Variants in TECTA observed in about 807,000 individuals in gnomAD.
TECTA encodes alpha-tectorin.
A neutral mutation model predicts 216.8 loss-of-function variants in TECTA; 128 were observed. The observed-to-expected ratio is 0.59, with a 90% confidence interval of 0.51 to 0.68. The LOEUF is 0.68. Among genes scored for constraint, TECTA ranks in the 30% least tolerant of loss-of-function variants. TECTA has a pLI of 0.00. For missense variants in TECTA, 2,551 were observed against 2,786.2 expected, an observed-to-expected ratio of 0.92 and a Z score of 1.90; for synonymous variants, 1,089 against 1,117.1, an observed-to-expected ratio of 0.97 and a Z score of 0.50.
intron 11 of TECTA, among the ~76,000 whole-genome samples, chr11:121,144,262 T>A (rs760902480): frequency 1.7e-4 from 26 of 152,194 alleles, no homozygotes; most frequent in Non-Finnish European, 3.2e-4. Flanking sequence ...TGGAGAGGGC[T>A]TTCAGTATTG....
Position 121,145,646 on chromosome 11 carries a change from A to G in TECTA, c.3635A>G (p.Asp1212Gly). The change falls in exon 12 of 24, where the codon GAT (aspartate) becomes GGT (glycine). Residue 1212 changes from aspartate to glycine, a missense_variant. Physicochemically the swap from Asp to Gly is moderately conservative, Grantham distance 94. This residue lies in a region of TECTA where 2,375 missense variants were observed against 2,563.9 expected (regional missense o/e 0.93). Transcript: ENST00000392793. Reference sequence around the variant, plus strand: ...GGCTTCCACGTGGTGGTGGAAACTGATTTTGGCCTGAAGGTTGTATATGAC... The same window carrying G: ...GGCTTCCACGTGGTGGTGGAAACTGGTTTTGGCCTGAAGGTTGTATATGAC... ...SFGFHVVVET[D>G]FGLKVVYDWK... is the part of the protein sequence containing the mutation. 1 of 1,614,182 alleles carries G rather than the reference A, an allele frequency of 6.2e-7. No homozygotes were observed. The highest frequency in any genetic ancestry group is 8.5e-7 in the Non-Finnish European group (1 of 1,180,034).
intron 2 of TECTA, 123 bp downstream of exon 2, chr11:121,102,852 A>G (rs1591433566): frequency 1.2e-6 from 1 of 826,328 alleles, no homozygotes; most frequent in East Asian, 2.5e-5. Context: ...ACAAGAGAAA[A>G]ATGTAATTAA....
At chr11:121,125,980 AG>A (rs1946608087) in intron 8 of TECTA, 108 bp downstream of exon 8, 1 of 1,322,180 alleles carries the variant, frequency 7.6e-7, no homozygotes, top group African/African-American at 1.5e-5. Flanking sequence ...CCCAAGAATG[AG>A]GGGGAGGTTG....
chr11:121,173,994 C>G (rs1372013052), intron 20 of TECTA, among the ~76,000 whole-genome samples: 1 of 151,944 alleles, frequency 6.6e-6, no homozygotes, highest in Non-Finnish European at 1.5e-5. Context: ...CTCTGTTTGT[C>G]TGTTATTGGT....
intron 13 of TECTA, 63 bp downstream of exon 13, chr11:121,153,143 G>A: frequency 1.3e-6 from 2 of 1,558,624 alleles, no homozygotes; most frequent in South Asian, 2.3e-5. Flanking sequence ...CCAACTCTAA[G>A]AGGTTGGTCA....
In TECTA at chr11:121,127,687, T is replaced by G. The variant is rs1946626212; in HGVS notation, c.1775-65T>G. ...AATGATCCAGGAGGAGCGTTAAGAT[T>G]CTGGCGGGTTAGCACTCCGGGTCCA... On this transcript the variant is annotated intron_variant, in intron 8 of 23. Transcript: ENST00000392793. The surrounding 1 kb of genome is among the most constrained non-coding windows in gnomAD (Gnocchi z 5.0). 8 of 1,573,742 alleles carry G rather than the reference T, an allele frequency of 5.1e-6. No homozygotes were observed. In the Admixed American group the frequency reaches 1.3e-4, roughly 26 times the overall value.
At chr11:121,171,986 C>T (rs1947117055) in intron 20 of TECTA, among the ~76,000 whole-genome samples, 1 of 151,968 alleles carries the variant, frequency 6.6e-6, no homozygotes, top group South Asian at 2.1e-4. Context: ...AGGAATTGTT[C>T]CAGTACTTTC....
chr11:121,145,371 T>C (rs767373124), intron 11 of TECTA, among the ~76,000 whole-genome samples, 184 bp from the exon 12 acceptor site: 10 of 152,226 alleles, frequency 6.6e-5, no homozygotes, highest in Non-Finnish European at 1.2e-4. Flanking sequence ...AGGATAGTCA[T>C]TTGCGTCTGT....
chr11:121,166,453 G>A lies in TECTA; in HGVS notation c.5384-125G>A. ...GTTTGATCAAAGCATAATTAGAAAT[G>A]CTGCAGCCTTGGAGTGGAGGTCATT... On this transcript the variant is annotated intron_variant, in intron 17 of 23. Coordinates refer to ENST00000392793, the MANE Select transcript of TECTA (RefSeq NM_005422.4). 4.3e-6 allele frequency: 4 copies of A among 920,116 alleles called. No homozygotes were observed. In the South Asian group the frequency reaches 5.5e-5, roughly 13 times the overall value. The allele number at this position is 920,116 out of a possible 1,614,324, so 57.0% of individuals were successfully genotyped here.
At chr11:121,188,985 C>T (rs1474736056) in intron 21 of TECTA, 95 bp from the exon 22 acceptor site, 1 of 1,274,302 alleles carries the variant, frequency 7.8e-7, no homozygotes, top group Non-Finnish European at 1.1e-6. Flanking sequence ...ATGCTTGAGG[C>T]CAGAGCCACT....
At chr11:121,120,100 G>A (rs1256786948) in intron 7 of TECTA, among the ~76,000 whole-genome samples, 1 of 152,062 alleles carries the variant, frequency 6.6e-6, no homozygotes, top group Non-Finnish European at 1.5e-5. Flanking sequence ...TGAAAAAGAA[G>A]GCTTCATGCT....
chr11:121,188,293 T>C (rs904596642), intron 21 of TECTA, among the ~76,000 whole-genome samples: 3 of 152,218 alleles, frequency 2.0e-5, no homozygotes, highest in African/African-American at 7.2e-5. Flanking sequence ...CTGTGCACTG[T>C]AGGATGTTAG....
intron 19 of TECTA, chr11:121,168,452 G>A (rs935839983): frequency 2.4e-6 from 2 of 835,794 alleles, no homozygotes; most frequent in African/African-American, 3.4e-5. Context: ...CACTTGAAAT[G>A]TGGCTCAGGG....
intron 20 of TECTA, among the ~76,000 whole-genome samples, chr11:121,178,766 A>G (rs1488560603): frequency 1.3e-5 from 2 of 152,034 alleles, no homozygotes; most frequent in African/African-American, 4.8e-5. Context: ...TCCTGATTCA[A>G]TCCTGTTATT....
At chr11:121,103,528 C>T (rs926884990) in intron 2 of TECTA, among the ~76,000 whole-genome samples, 1 of 152,046 alleles carries the variant, frequency 6.6e-6, no homozygotes, top group Admixed American at 6.5e-5. Flanking sequence ...TGAAAGAGGG[C>T]CCTTGACTTC....
chr11:121,137,929 G>C lies in TECTA; in HGVS notation c.3450G>C (p.Arg1150=). Residue 1150 remains arginine (R), a synonymous_variant, in exon 11 of 24, where the codon CGG becomes CGC. Transcript: ENST00000392793. ...TTGTCACAGCCAAGAATGAGGACCG[G>C]GACCCGTCACTGGCCTTGTGGGTTA... The part of the protein sequence containing the change: ...KFVVTAKNED[R]DPSLALWVKQ... 3.7e-6 allele frequency: 6 copies of C among 1,608,514 alleles called. No individual in the cohort carries two copies. Among genetic ancestry groups the C allele is most frequent in the Non-Finnish European group, 5.1e-6 (6 of 1,175,398 alleles).
At position 121,118,288 on chromosome 11, in the gene TECTA, A is replaced by G; in HGVS notation, c.791-18A>G. ...GAAATGCTCAGTAAATGTTGGCTCT[A>G]ATGTCATTATTCCCCAGGACAATTC... On this transcript the variant is annotated intron_variant, in intron 6 of 23. Transcript: ENST00000392793. 2 of 1,613,972 alleles carry G rather than the reference A, an allele frequency of 1.2e-6. No individual in the cohort carries two copies. Among genetic ancestry groups the G allele is most frequent in the South Asian group, 1.1e-5 (1 of 91,034 alleles).
At chr11:121,174,935 G>A (rs1425192142) in intron 20 of TECTA, among the ~76,000 whole-genome samples, 3 of 152,122 alleles carry the variant, frequency 2.0e-5, no homozygotes, top group Non-Finnish European at 2.9e-5. Context: ...TGTATGTGTC[G>A]AGGAATTTAT....
At chr11:121,126,990 A>G (rs560433970) in intron 8 of TECTA, among the ~76,000 whole-genome samples, 6 of 152,310 alleles carry the variant, frequency 3.9e-5, no homozygotes, top group South Asian at 2.1e-4. Context: ...TTCTGGCTCA[A>G]TGGACTCTGT....
Sources: gnomAD v4.1 joint callset for allele counts (sites outside exome capture counted in the v4.1 genomes callset) on GRCh38, gnomAD v4.1.1 for gene constraint, gnomAD v4.1.1 regional missense constraint, Gnocchi (gnomAD v3.1) non-coding constraint, MANE v1.5 for transcripts, NCBI Gene and HGNC (gene_info 2026-07-23, HGNC 2026-07-21) for gene names.